The following OCRL variants were observed in gnomAD, a reference collection of about 807,000 sequenced individuals.
The protein encoded by OCRL is OCRL inositol polyphosphate-5-phosphatase, also known as inositol polyphosphate 5-phosphatase OCRL.
In OCRL, 8 loss-of-function variants were observed where a neutral mutation model predicts 78.9. That is an observed-to-expected ratio of 0.10 (90% CI 0.06 to 0.18). The LOEUF (loss-of-function observed/expected upper bound fraction) is 0.18. OCRL is among the 10% of genes least tolerant of loss of function. The pLI is 1.00. For missense variants in OCRL, 454 were observed against 696.7 expected, an observed-to-expected ratio of 0.65 and a Z score of 3.92; for synonymous variants, 240 against 235.4, an observed-to-expected ratio of 1.02 and a Z score of -0.18.
intron 10 of OCRL, among the ~76,000 whole-genome samples, chrX:129,562,175 G>C (rs1473850801): frequency 9.0e-6 from 1 of 111,685 alleles, no homozygotes; most frequent in African/African-American, 3.3e-5. Context: ...GTCCCTCCCA[G>C]CTTTTAACTC....
chrX:129,580,391 T>C (rs773263214), intron 18 of OCRL, among the ~76,000 whole-genome samples: 2 of 111,952 alleles, frequency 1.8e-5, no homozygotes, highest in Admixed American at 9.5e-5. Flanking sequence ...ATGAAGCTGG[T>C]TAGGGAGAAT....
intron 18 of OCRL, among the ~76,000 whole-genome samples, chrX:129,577,539 T>C (rs1267305941): frequency 1.8e-5 from 2 of 111,946 alleles, no homozygotes; most frequent in African/African-American, 6.5e-5. Context: ...AGTATTCACA[T>C]GGATCCTTTA....
chrX:129,584,066 G>A (rs1936478556), intron 18 of OCRL, among the ~76,000 whole-genome samples: 1 of 112,167 alleles, frequency 8.9e-6, no homozygotes, highest in South Asian at 3.7e-4. Flanking sequence ...GGCTGGGTCA[G>A]TTGGCAGATG....
chrX:129,547,726 G>A (rs906975947), intron 3 of OCRL, among the ~76,000 whole-genome samples: 2 of 110,674 alleles, frequency 1.8e-5, no homozygotes, highest in African/African-American at 6.6e-5. Context: ...TGCTTCTGTT[G>A]TACCTGAGTA....
At chrX:129,545,539 G>A (rs1380386994) in intron 3 of OCRL, among the ~76,000 whole-genome samples, 1 of 112,093 alleles carries the variant, frequency 8.9e-6, no homozygotes, top group Non-Finnish European at 1.9e-5. Flanking sequence ...ATTGACTCTG[G>A]GGAGGAAATA....
intron 18 of OCRL, among the ~76,000 whole-genome samples, chrX:129,581,692 A>T (rs1020836107): frequency 9.9e-6 from 1 of 101,303 alleles, no homozygotes; most frequent in South Asian, 4.6e-4. Flanking sequence ...TAATATATAT[A>T]CTTAGAAATT....
At position 129,574,116 on chromosome X, in the gene OCRL, T is replaced by TCTTG. The variant is rs199629260; in HGVS notation, c.1603-1022_1603-1019dup. Among the ~76,000 whole-genome samples, 1,714 of 111,896 alleles carry TCTTG rather than the reference T, an allele frequency of 0.015. 94 individuals carry two copies. The East Asian group carries it at 0.25, about 17-fold the overall frequency. Reference sequence around the variant, plus strand: ...AGATCCTTGAGGAATCGCCACACTGTCTTGCACAATGGTTGAACTAATTTA... The same window carrying TCTTG: ...AGATCCTTGAGGAATCGCCACACTGTCTTGCTTGCACAATGGTTGAACTAATTTA... On this transcript the variant is annotated intron_variant, in intron 15 of 23. Transcript: ENST00000371113.
intron 12 of OCRL, among the ~76,000 whole-genome samples, chrX:129,564,282 A>C (rs1471512660): frequency 9.1e-6 from 1 of 109,505 alleles, no homozygotes. Context: ...GGGACTGTAA[A>C]CTAGTTCAAC....
chrX:129,563,507 C>G (rs1333322325), intron 12 of OCRL, among the ~76,000 whole-genome samples: 1 of 111,328 alleles, frequency 9.0e-6, no homozygotes, highest in Non-Finnish European at 1.9e-5. Context: ...AGCCTTTTGT[C>G]TATTCATATA....
At chrX:129,560,214 G>T (rs1166223084) in intron 8 of OCRL, among the ~76,000 whole-genome samples, 2 of 112,126 alleles carry the variant, frequency 1.8e-5, no homozygotes, top group African/African-American at 6.5e-5. Flanking sequence ...ACAGCATGAA[G>T]ATACCTCTTT....
intron 15 of OCRL, among the ~76,000 whole-genome samples, chrX:129,569,937 G>A (rs370222099): frequency 3.9e-5 from 4 of 103,252 alleles, no homozygotes; most frequent in Non-Finnish European, 5.9e-5. Context: ...TCCTCTTCCC[G>A]GGTTCAAGCG....
intron 19 of OCRL, chrX:129,586,682 G>A: frequency 2.6e-6 from 1 of 382,738 alleles, no homozygotes; most frequent in South Asian, 2.5e-5. Context: ...GGACTCCACT[G>A]TGACTGTATC....
At chrX:129,584,474 C>T in intron 19 of OCRL, 107 bp downstream of exon 19, 1 of 719,490 alleles carries the variant, frequency 1.4e-6, no homozygotes, top group Non-Finnish European at 2.2e-6. Flanking sequence ...AGACCTCTGA[C>T]TTGGTGAGAC....
intron 12 of OCRL, among the ~76,000 whole-genome samples, chrX:129,564,845 C>T (rs1265930748): frequency 9.0e-6 from 1 of 110,545 alleles, no homozygotes; most frequent in Non-Finnish European, 1.9e-5. Flanking sequence ...ACATTGTGCA[C>T]ATGTACCCTA....
Position 129,540,806 on chromosome X carries a change from G to A in OCRL, c.102G>A (p.Gln34=). The A allele has an allele frequency of 8.3e-7, 1 of 1,206,860 alleles. No homozygotes were observed. Among genetic ancestry groups the A allele is most frequent in the Admixed American group, 2.2e-5 (1 of 46,078 alleles). The part of the protein sequence containing the change: ...LREPCALTLA[Q]RNGQYELIIQ... Reference sequence around the variant, plus strand: ...AGCCCTGCGCCCTGACCCTAGCCCAGAGGAACGGGCAATATGAGTAAGTAA... The same window carrying A: ...AGCCCTGCGCCCTGACCCTAGCCCAAAGGAACGGGCAATATGAGTAAGTAA... The change falls in exon 2 of 24, where the codon CAG becomes CAA. Residue 34 remains glutamine (Q), a synonymous_variant. Coordinates refer to ENST00000371113, the MANE Select transcript of OCRL (RefSeq NM_000276.4).
intron 3 of OCRL, among the ~76,000 whole-genome samples, chrX:129,547,254 G>A (rs1392759605): frequency 1.8e-5 from 2 of 110,107 alleles, no homozygotes; most frequent in East Asian, 2.8e-4. Context: ...GGCTGGGCGC[G>A]GTGGCTCAGG....
Position 129,563,406 on chromosome X carries a change from CACTT to C in OCRL, c.1244+621_1244+624del. ...GAGTAAAATGAAATTTATTGATACT[CACTT>C]GTTTTTTTTCTTTTTAAATGCAGCT... On this transcript the variant is annotated intron_variant, in intron 12 of 23. Transcript: ENST00000371113. Among the ~76,000 whole-genome samples the C allele has an allele frequency of 1.8e-5, 2 of 110,996 alleles. 1 individual carries two copies. The highest frequency in any genetic ancestry group is 5.6e-4 in the East Asian group (2 of 3,597).
At chrX:129,580,604 A>G (rs1936426385) in intron 18 of OCRL, among the ~76,000 whole-genome samples, 1 of 112,295 alleles carries the variant, frequency 8.9e-6, no homozygotes, top group Non-Finnish European at 1.9e-5. Context: ...AGTTGTAAAT[A>G]CGGAGATGAA....
intron 12 of OCRL, 71 bp from the exon 13 acceptor site, chrX:129,565,701 C>T: frequency 1.2e-6 from 1 of 821,664 alleles, no homozygotes; most frequent in Non-Finnish European, 1.8e-6. Flanking sequence ...ACCCATTTTT[C>T]TTCTCTCCAT....
Sources: gnomAD v4.1 joint callset for allele counts (sites outside exome capture counted in the v4.1 genomes callset) on GRCh38, gnomAD v4.1.1 for gene constraint, MANE v1.5 for transcripts, NCBI Gene and HGNC (gene_info 2026-07-23, HGNC 2026-07-21) for gene names.